The following PHF8 variants were observed in gnomAD, a reference collection of about 807,000 sequenced individuals.
PHF8 encodes the protein PHD finger protein 8, also known as histone lysine demethylase PHF8.
A neutral mutation model predicts 74.4 loss-of-function variants in PHF8; 9 were observed. That is an observed-to-expected ratio of 0.12 (90% CI 0.07 to 0.21). PHF8 has a LOEUF of 0.21. Among genes scored for constraint, PHF8 ranks in the 10% least tolerant of loss-of-function variants. The probability of loss-of-function intolerance (pLI) is 1.00; values close to 1 mark genes in which losing one functional copy is unlikely to be tolerated. For missense variants in PHF8, 478 were observed against 816.6 expected, an observed-to-expected ratio of 0.59 and a Z score of 5.05; for synonymous variants, 311 against 316.6, an observed-to-expected ratio of 0.98 and a Z score of 0.19.
At chrX:53,967,606 G>T (rs1404167016) in intron 18 of PHF8, among the ~76,000 whole-genome samples, 1 of 114,518 alleles carries the variant, frequency 8.7e-6, no homozygotes, top group African/African-American at 3.2e-5. Flanking sequence ...CACCCCATCT[G>T]GGAGGTGTGC....
chrX:53,954,644 T>G (rs200216601), intron 19 of PHF8, among the ~76,000 whole-genome samples: 2 of 4,317 alleles, frequency 4.6e-4, no homozygotes, highest in African/African-American at 1.6e-3. Flanking sequence ...GGGTGACAGA[T>G]ATATATATAT....
chrX:53,980,060 G>A (rs960649383), intron 18 of PHF8, among the ~76,000 whole-genome samples: 6 of 111,453 alleles, frequency 5.4e-5, no homozygotes, highest in African/African-American at 2.0e-4. Flanking sequence ...TATATATTGA[G>A]TGGAGAAAGA....
chrX:54,028,469 T>C (rs2066304542), intron 2 of PHF8, among the ~76,000 whole-genome samples: 1 of 110,811 alleles, frequency 9.0e-6, no homozygotes, highest in Non-Finnish European at 1.9e-5. Context: ...AATGTTGAAG[T>C]TTCTTAGGTC....
At chrX:53,978,797 CAA>C (rs34127297) in intron 18 of PHF8, among the ~76,000 whole-genome samples, 8 of 42,819 alleles carry the variant, frequency 1.9e-4, no homozygotes, top group African/African-American at 2.8e-4. Flanking sequence ...GGCTCCATCT[CAA>C]AAAAAAAAAA....
In PHF8 at chrX:53,985,039, C is replaced by G; in HGVS notation, c.2318G>C (p.Arg773Pro). The change falls in exon 18 of 22, where the codon CGC (arginine) becomes CCC (proline). Residue 773 changes from arginine to proline, a missense_variant. Transcript: ENST00000338154. ...CTTGATGGGCCGCTTCCCTGGGGTGCGCTGGGAAGCAGGACTGTTAGACAC... is the reference window on the plus strand; with the variant it reads ...CTTGATGGGCCGCTTCCCTGGGGTGGGCTGGGAAGCAGGACTGTTAGACAC... ...GTVSNSPASQ[R>P]TPGKRPIKRP... The G allele has an allele frequency of 1.7e-6, 2 of 1,211,031 alleles. No homozygotes were observed. Among genetic ancestry groups the G allele is most frequent in the Middle Eastern group, 2.3e-4 (1 of 4,353 alleles).
intron 18 of PHF8, among the ~76,000 whole-genome samples, chrX:53,981,545 A>AT (rs1416845710): frequency 1.8e-5 from 2 of 111,449 alleles, no homozygotes; most frequent in African/African-American, 3.3e-5. Context: ...GCCAAAAAAG[A>AT]TTGATAGGGA....
intron 19 of PHF8, among the ~76,000 whole-genome samples, chrX:53,949,811 C>CAAAAAAA (rs11353359): frequency 2.1e-4 from 5 of 24,331 alleles, no homozygotes; most frequent in African/African-American, 5.0e-4. Context: ...GACTCCGTCT[C>CAAAAAAA]AAAAAAAAAA....
At chrX:53,995,836 T>C in intron 11 of PHF8, 54 bp from the exon 12 acceptor site, 2 of 758,224 alleles carry the variant, frequency 2.6e-6, no homozygotes, top group South Asian at 2.3e-5. Flanking sequence ...ACAACTGATT[T>C]TGGACAAATA....
chrX:53,956,840 T>C (rs1358159084), intron 19 of PHF8, among the ~76,000 whole-genome samples: 4 of 111,142 alleles, frequency 3.6e-5, no homozygotes, highest in African/African-American at 1.3e-4. Context: ...TAATAAAACA[T>C]AGAGGCTATG....
chrX:53,977,689 C>T (rs1470954986), intron 18 of PHF8, among the ~76,000 whole-genome samples: 6 of 107,261 alleles, frequency 5.6e-5, no homozygotes, highest in Admixed American at 4.0e-4. Flanking sequence ...CTCTGTTGCC[C>T]GGGCTGGAGT....
chrX:54,002,595 T>C lies in PHF8; in HGVS notation c.1034A>G (p.Lys345Arg). 8.6e-7 allele frequency: 1 copy of C among 1,160,133 alleles called. No individual in the cohort carries two copies. Among genetic ancestry groups the C allele is most frequent in the East Asian group, 3.0e-5 (1 of 33,633 alleles). ...LHSLNIEMQLKAYEIEKRLST... is the reference protein window; with the variant it reads ...LHSLNIEMQLRAYEIEKRLST... ...GAATCACCACAGTTTCAGTACTCAC[T>C]TGAGCTGCATCTCGATGTTAAGGCT... The change falls in exon 9 of 22, where the codon AAA becomes AGA. Residue 345 changes from lysine (K) to arginine (R), a missense_variant and splice_region_variant. Around this residue, in one of 9 missense-constraint regions of PHF8, gnomAD observed 70 missense variants for 234.1 expected, o/e 0.30. Transcript: ENST00000338154.
At position 54,016,445 on chromosome X, in the gene PHF8, G is replaced by A. The variant is rs1170883530; in HGVS notation, c.596+150C>T. 1.7e-5 allele frequency: 8 copies of A among 465,101 alleles called. No individual in the cohort carries two copies. In the Admixed American group the frequency reaches 2.5e-4, roughly 15 times the overall value. 38.3% of individuals were successfully genotyped at this position (465,101 alleles called of 1,213,427 possible). A position where few individuals can be genotyped will look rare whatever the true frequency, so the allele number is the denominator to read the frequency against. ...AGAGGCGGAGGTTGCAGTGAGCCAA[G>A]ATCGTGCCACTGTACTCCAGCCTGG... On this transcript the variant is annotated intron_variant, in intron 6 of 21. Coordinates refer to ENST00000338154, the MANE Select transcript of PHF8 (RefSeq NM_015107.3).
At chrX:54,021,454 ATTTTT>A (rs1156928686) in intron 4 of PHF8, among the ~76,000 whole-genome samples, 32 of 42,160 alleles carry the variant, frequency 7.6e-4, no homozygotes, top group African/African-American at 3.1e-3. Flanking sequence ...AGTTGCAATT[ATTTTT>A]TTTTTTTTTT....
intron 18 of PHF8, among the ~76,000 whole-genome samples, chrX:53,977,709 C>G (rs1477877383): frequency 9.4e-6 from 1 of 105,836 alleles, no homozygotes; most frequent in South Asian, 4.4e-4. Flanking sequence ...TGCAGTGGTG[C>G]GATCTCGGCT....
chrX:54,000,012 T>C, intron 10 of PHF8, 51 bp from the exon 11 acceptor site: 1 of 810,461 alleles, frequency 1.2e-6, no homozygotes, highest in South Asian at 2.1e-5. Context: ...TGCAGGAAAG[T>C]GAAGGACTTG....
intron 18 of PHF8, among the ~76,000 whole-genome samples, chrX:53,970,258 A>T (rs1210161750): frequency 8.9e-6 from 1 of 112,132 alleles, no homozygotes; most frequent in African/African-American, 3.2e-5. Context: ...TAATAACTAA[A>T]ATATATAAGG....
At chrX:53,990,611 A>T (rs2065643681) in intron 14 of PHF8, among the ~76,000 whole-genome samples, 1 of 111,634 alleles carries the variant, frequency 9.0e-6, no homozygotes, top group Admixed American at 9.5e-5. Context: ...AAACCCCAAG[A>T]ATAGCTCTGT....
chrX:53,940,353 G>A lies in PHF8; in HGVS notation c.2813C>T (p.Pro938Leu). ...LVTSSSPLPP[P>L]EPKQEALSGS... Reference sequence around the variant, plus strand: ...TGACAGGGCCTCTTGTTTAGGCTCAGGAGGAGGCAGGGGTGAGGAGGAGGT... The same window carrying A: ...TGACAGGGCCTCTTGTTTAGGCTCAAGAGGAGGCAGGGGTGAGGAGGAGGT... Residue 938 changes from proline (P) to leucine (L), a missense_variant, in exon 21 of 22, where the codon CCT becomes CTT. Around this residue, in one of 9 missense-constraint regions of PHF8, gnomAD observed 75 missense variants for 93.3 expected, o/e 0.80. Transcript: ENST00000338154. 1 of 1,210,317 alleles carries A rather than the reference G, an allele frequency of 8.3e-7. No individual in the cohort carries two copies. The highest frequency in any genetic ancestry group is 1.1e-6 in the Non-Finnish European group (1 of 894,809).
At chrX:54,041,310 G>A (rs1343999784) in intron 2 of PHF8, among the ~76,000 whole-genome samples, 2 of 108,256 alleles carry the variant, frequency 1.8e-5, no homozygotes, top group African/African-American at 6.7e-5. Context: ...CTTGAACCCG[G>A]GAGGCAGAGG....
Sources: gnomAD v4.1 joint callset for allele counts (sites outside exome capture counted in the v4.1 genomes callset) on GRCh38, gnomAD v4.1.1 for gene constraint, gnomAD v4.1.1 regional missense constraint, MANE v1.5 for transcripts, NCBI Gene and HGNC (gene_info 2026-07-23, HGNC 2026-07-21) for gene names.